Variants in SNTG2 observed in about 807,000 individuals in gnomAD.
SNTG2 encodes syntrophin gamma 2.
SNTG2 carries 74 observed loss-of-function variants against 70.9 expected under a neutral mutation model. The observed-to-expected ratio is 1.04, with a 90% CI of 0.86 to 1.27. SNTG2 has a LOEUF of 1.27. Among genes scored for constraint, SNTG2 ranks in the 50% most tolerant of loss-of-function variants. The pLI, the probability that SNTG2 is intolerant of heterozygous loss-of-function variation, is 0.00. For missense variants in SNTG2, 717 were observed against 690.7 expected, an observed-to-expected ratio of 1.04 and a Z score of -0.43; for synonymous variants, 278 against 273.8, an observed-to-expected ratio of 1.02 and a Z score of -0.15.
At chr2:1,011,428 A>T (rs1344858879) in intron 1 of SNTG2, among the ~76,000 whole-genome samples, 1 of 152,250 alleles carries the variant, frequency 6.6e-6, no homozygotes, top group East Asian at 1.9e-4. Context: ...ATCAGTACAC[A>T]TATAATTTAT....
chr2:1,005,087 G>T (rs1659524873), intron 1 of SNTG2, among the ~76,000 whole-genome samples: 1 of 152,144 alleles, frequency 6.6e-6, no homozygotes, highest in African/African-American at 2.4e-5. Flanking sequence ...ATCTGAAAAG[G>T]CTGCAGACTG....
intron 6 of SNTG2, chr2:1,163,629 G>A (rs1338088490): frequency 6.6e-6 from 1 of 152,366 alleles, no homozygotes; most frequent in Admixed American, 6.5e-5. Flanking sequence ...ATGAGGAGGA[G>A]AGGGAGAAGA....
intron 1 of SNTG2, among the ~76,000 whole-genome samples, chr2:1,057,979 A>G (rs143921870): frequency 0.014 from 2,131 of 152,260 alleles, 55 homozygotes; most frequent in African/African-American, 0.049. Context: ...GTGAGCTGAG[A>G]TGGCGCCACT....
At chr2:1,163,425 C>T (rs1670472374) in intron 6 of SNTG2, 1 of 150,196 alleles carries the variant, frequency 6.7e-6, no homozygotes, top group African/African-American at 2.5e-5. Context: ...AGCCTCCCAA[C>T]AGGAAGTAGG....
intron 1 of SNTG2, among the ~76,000 whole-genome samples, chr2:1,004,295 A>G (rs1238116827): frequency 1.2e-4 from 18 of 152,252 alleles, no homozygotes; most frequent in Non-Finnish European, 2.9e-5. Context: ...TTGATATGAC[A>G]TCAAAAGTAC....
chr2:1,328,924 C>CAT (rs397702556), intron 16 of SNTG2, among the ~76,000 whole-genome samples: 4 of 151,676 alleles, frequency 2.6e-5, no homozygotes, highest in African/African-American at 7.3e-5. Context: ...CACATACACA[C>CAT]GCACAGATTC....
At chr2:960,267 G>A (rs1378649224) in intron 1 of SNTG2, among the ~76,000 whole-genome samples, 1 of 152,186 alleles carries the variant, frequency 6.6e-6, no homozygotes, top group Non-Finnish European at 1.5e-5. Context: ...CTGATAGCCA[G>A]GCCTGTTCCC....
chr2:956,595 G>T (rs150330507), intron 1 of SNTG2, among the ~76,000 whole-genome samples: 3 of 152,214 alleles, frequency 2.0e-5, no homozygotes, highest in African/African-American at 4.8e-5. Flanking sequence ...CGGCCCACCC[G>T]TGGCTGTGAA....
intron 8 of SNTG2, among the ~76,000 whole-genome samples, chr2:1,183,057 A>G (rs1338827169): frequency 7.9e-5 from 12 of 152,152 alleles, no homozygotes; most frequent in South Asian, 2.1e-4. Context: ...ACCTGACCTA[A>G]TCTCTATTTT....
intron 8 of SNTG2, among the ~76,000 whole-genome samples, chr2:1,188,636 C>T (rs1383605813): frequency 1.3e-5 from 2 of 149,560 alleles, no homozygotes; most frequent in East Asian, 1.9e-4. Context: ...TTCAATTTGC[C>T]TGAAATACAT....
chr2:1,171,602 G>A (rs745905362), intron 7 of SNTG2, among the ~76,000 whole-genome samples: 3 of 152,178 alleles, frequency 2.0e-5, no homozygotes, highest in Non-Finnish European at 4.4e-5. Context: ...CTGGTCCACA[G>A]CAGAGTCTTC....
intron 13 of SNTG2, chr2:1,262,730 G>A (rs1222004207): frequency 6.6e-6 from 1 of 152,052 alleles, no homozygotes; most frequent in African/African-American, 2.4e-5. Flanking sequence ...CCGTCCAGAC[G>A]AGGCAACCGG....
intron 16 of SNTG2, among the ~76,000 whole-genome samples, chr2:1,340,614 A>G (rs1660035762): frequency 6.6e-6 from 1 of 152,262 alleles, no homozygotes; most frequent in African/African-American, 2.4e-5. Flanking sequence ...TATGTTCACA[A>G]AAGTGAGCCA....
At chr2:1,222,130 T>TCTCTGG (rs1675237313) in intron 9 of SNTG2, among the ~76,000 whole-genome samples, 1 of 107,938 alleles carries the variant, frequency 9.3e-6, no homozygotes, top group Admixed American at 1.0e-4. Flanking sequence ...TCTCTGTCTC[T>TCTCTGG]CTCTGTCTCT....
At chr2:1,226,519 T>G (rs756525485) in intron 9 of SNTG2, among the ~76,000 whole-genome samples, 1 of 152,032 alleles carries the variant, frequency 6.6e-6, no homozygotes, top group Admixed American at 6.6e-5. Context: ...CTCTGCTAAA[T>G]GGAGGTGCAA....
intron 10 of SNTG2, among the ~76,000 whole-genome samples, chr2:1,238,935 A>G (rs546688954): frequency 1.1e-4 from 16 of 152,256 alleles, no homozygotes; most frequent in African/African-American, 3.8e-4. Context: ...TGGCTGCAAA[A>G]CAGAAGTTAA....
chr2:1,179,608 G>A (rs538395044), intron 8 of SNTG2, among the ~76,000 whole-genome samples: 92 of 152,058 alleles, frequency 6.1e-4, no homozygotes, highest in African/African-American at 2.2e-3. Context: ...TCATGGGTAG[G>A]AAGAATCAAT....
chr2:1,329,697 A>G (rs753733247), intron 16 of SNTG2, among the ~76,000 whole-genome samples: 18 of 152,210 alleles, frequency 1.2e-4, no homozygotes, highest in Non-Finnish European at 1.9e-4. Flanking sequence ...CCTGAAAACA[A>G]AAGTCCGATT....
At chr2:1,018,177 C>G (rs1420173278) in intron 1 of SNTG2, among the ~76,000 whole-genome samples, 1 of 152,210 alleles carries the variant, frequency 6.6e-6, no homozygotes, top group African/African-American at 2.4e-5. Flanking sequence ...GATTAATTCA[C>G]AGTTCTTTTA....
Sources: allele counts gnomAD v4.1 joint callset (sites outside exome capture counted in the v4.1 genomes callset), GRCh38; gene constraint gnomAD v4.1.1; transcripts MANE v1.5; gene names NCBI Gene and HGNC (gene_info 2026-07-23, HGNC 2026-07-21).